Variants in NEB observed in about 807,000 individuals in gnomAD.
NEB encodes the protein nebulin.
A neutral mutation model predicts 952.2 loss-of-function variants in NEB; 512 were observed. That is an observed-to-expected ratio of 0.54 (90% confidence interval 0.50 to 0.58). The LOEUF (loss-of-function observed/expected upper bound fraction) is 0.58. NEB is among the 20% of genes least tolerant of loss of function. The pLI is 0.00. For synonymous variants in NEB, 2,900 were observed against 3,149.8 expected (o/e 0.92, Z 2.66); for missense variants, 8,428 against 9,231.1 (o/e 0.91, Z 3.56).
At chr2:151,675,412 C>T (rs1242500454) in intron 34 of NEB, 21 bp from the exon 35 acceptor site, 1 of 1,467,988 alleles carries the variant, frequency 6.8e-7, no homozygotes, top group Non-Finnish European at 9.3e-7. Context: ...ATGCATTTCA[C>T]ATAGTGCAAA....
chr2:151,672,315 A>C, intron 37 of NEB, 54 bp downstream of exon 37: 1 of 1,458,440 alleles, frequency 6.9e-7, no homozygotes, highest in Non-Finnish European at 9.3e-7. Context: ...AAAAGCGAGA[A>C]GTGATCATCC....
intron 3 of NEB, among the ~76,000 whole-genome samples, chr2:151,732,730 A>T (rs1019075352): frequency 8.5e-5 from 13 of 152,190 alleles, no homozygotes; most frequent in Non-Finnish European, 8.8e-5. Flanking sequence ...TAAGGAGTAG[A>T]TCTTTTCTTC....
chr2:151,540,611 G>T lies in NEB; in HGVS notation c.20787+86C>A, dbSNP rs144632631. ...TGCTGAGCACCATTTATAGTAATGA[G>T]CTCTCTGATCAGAGGTAGCAGGGGA... On this transcript the variant is annotated intron_variant, in intron 137 of 181. Coordinates refer to ENST00000397345, the MANE Select transcript of NEB (RefSeq NM_001164508.2). 153 of 1,245,690 alleles carry T rather than the reference G, an allele frequency of 1.2e-4. 1 individual carries two copies. The East Asian group carries it at 2.9e-3, about 24-fold the overall frequency. The allele number at this position is 1,245,690 out of a possible 1,614,324, so 77.2% of individuals were successfully genotyped here.
Position 151,533,316 on chromosome 2 carries a change from T to G in NEB, c.21417+126A>C, listed in dbSNP as rs543808992. ...GAGATCATTTACAAGGAATGAATAT[T>G]TACATAGCTTTACCATATGAAGCCA... On this transcript the variant is annotated intron_variant, in intron 143 of 181. Transcript: ENST00000397345. The G allele has an allele frequency of 2.3e-5, 15 of 649,948 alleles. No individual in the cohort carries two copies. In the African/African-American group the frequency reaches 2.7e-4, roughly 12 times the overall value. The allele number at this position is 649,948 out of a possible 1,614,324, so 40.3% of individuals were successfully genotyped here. A position where few individuals can be genotyped will look rare whatever the true frequency, so the allele number is the denominator to read the frequency against.
intron 48 of NEB, 91 bp from the exon 49 acceptor site, chr2:151,656,555 A>G (rs1203922906): frequency 1.5e-6 from 1 of 667,218 alleles, no homozygotes; most frequent in African/African-American, 1.9e-5. Flanking sequence ...TTGTATAATT[A>G]TAAAATATAA....
Position 151,607,233 on chromosome 2 carries a change from G to A in NEB, c.12639+271C>T, listed in dbSNP as rs1340483175. Among the ~76,000 whole-genome samples, 2 of 103,410 alleles carry A rather than the reference G, an allele frequency of 1.9e-5. 1 individual carries two copies. The highest frequency in any genetic ancestry group is 5.1e-5 in the African/African-American group (2 of 38,986). The allele number at this position is 103,410 out of a possible 152,430, so 67.8% of individuals were successfully genotyped here. A position where few individuals can be genotyped will look rare whatever the true frequency, so the allele number is the denominator to read the frequency against. On this transcript the variant is annotated intron_variant, in intron 83 of 181. Transcript: ENST00000397345. ...TGGATCAATTAAAAAAACCTAAGAT[G>A]ATAACAGAGACTGTTAAGAGTGAAG...
chr2:151,701,626 C>A (rs2099670391), intron 13 of NEB, among the ~76,000 whole-genome samples: 1 of 151,718 alleles, frequency 6.6e-6, no homozygotes, highest in East Asian at 1.9e-4. Context: ...TTATCCATTT[C>A]TTCTAGATTT....
intron 168 of NEB, among the ~76,000 whole-genome samples, chr2:151,500,512 TAAAA>T (rs1000232126): frequency 8.7e-5 from 13 of 149,246 alleles, no homozygotes; most frequent in African/African-American, 3.2e-4. Context: ...ATTTGTATAT[TAAAA>T]AAAAATCAGA....
chr2:151,527,017 T>C lies in NEB; in HGVS notation c.21846A>G (p.Glu7282=). The C allele has an allele frequency of 6.3e-7, 1 of 1,589,106 alleles. No homozygotes were observed. The highest frequency in any genetic ancestry group is 1.1e-5 in the South Asian group (1 of 87,576). The change falls in exon 148 of 182, where the codon GAA becomes GAG. Residue 7282 remains glutamate, a synonymous_variant. Coordinates refer to ENST00000397345, the MANE Select transcript of NEB (RefSeq NM_001164508.2). ...TGAGGAACTCCCGGTCCAGCTTATA[T>C]TCAAACTGTGATAGAAGAAAGGCAG... is the stretch of plus-strand genomic sequence containing the variant. ...AKSSLQQSDF[E]YKLDREFLKG... is the part of the protein sequence containing the mutation.
At position 151,677,886 on chromosome 2, in the gene NEB, A is replaced by G; in HGVS notation, c.3557T>C (p.Ile1186Thr). 6.2e-7 allele frequency: 1 copy of G among 1,610,880 alleles called. No homozygotes were observed. Among genetic ancestry groups the G allele is most frequent in the Non-Finnish European group, 8.5e-7 (1 of 1,177,974 alleles). The change falls in exon 33 of 182, where the codon ATA (isoleucine) becomes ACA (threonine). Residue 1186 changes from isoleucine (I) to threonine (T), a missense_variant. Transcript: ENST00000397345. ...DLELSKNMMQ[I>T]QSDNVYKEDY... is the part of the protein sequence containing the mutation. ...GTAAATGACACTTACATCACTCTGT[A>G]TCTGCATCATGTTCTTAGACAGCTC...
intron 52 of NEB, among the ~76,000 whole-genome samples, chr2:151,651,259 C>T (rs978467718): frequency 5.9e-5 from 9 of 152,092 alleles, no homozygotes; most frequent in African/African-American, 2.2e-4. Flanking sequence ...GAAATTAATT[C>T]TAACTAGATG....
Position 151,643,196 on chromosome 2 carries a change from G to C in NEB, c.8114C>G (p.Ser2705Cys). 2 of 1,613,838 alleles carry C rather than the reference G, an allele frequency of 1.2e-6. No individual in the cohort carries two copies. The highest frequency in any genetic ancestry group is 1.7e-4 in the Middle Eastern group (1 of 6,044). Reference sequence around the variant, plus strand: ...GTTTTTTGCCAAAACCATTGGTATGGAATCCATAAGGCTGGAAAACTTAAA... The same window carrying C: ...GTTTTTTGCCAAAACCATTGGTATGCAATCCATAAGGCTGGAAAACTTAAA... ...DQFKFSSLMDSIPMVLAKNNA... is the reference protein window; with the variant it reads ...DQFKFSSLMDCIPMVLAKNNA... Residue 2705 changes from serine (S) to cysteine (C), a missense_variant, in exon 58 of 182, where the codon TCC becomes TGC. Ser to Cys is a moderately radical substitution (Grantham distance 112, BLOSUM62 -1). This residue lies in a region of NEB where 1,772 missense variants were observed against 1,960.3 expected (regional missense o/e 0.90). Coordinates refer to ENST00000397345, the MANE Select transcript of NEB (RefSeq NM_001164508.2).
At chr2:151,533,028 T>C (rs6433482) in intron 143 of NEB, among the ~76,000 whole-genome samples, 98,275 of 151,994 alleles carry the variant, frequency 0.65, 32,077 homozygotes, top group East Asian at 0.78. Context: ...CTCATCTCCC[T>C]GCAACAGTTG....
Position 151,697,157 on chromosome 2 carries a change from C to T in NEB, c.1461G>A (p.Gln487=). Residue 487 remains glutamine (Q), a synonymous_variant, in exon 16 of 182, where the codon CAG becomes CAA. Transcript: ENST00000397345. ...QEYEAIKKLD[Q]CKDHTYKVHP... is the part of the protein sequence containing the mutation. ...CAGACTACAGACTTACGTCTTTACA[C>T]TGATCTAGTTTCTTAATTGCTTCAT... 1 of 1,612,756 alleles carries T rather than the reference C, an allele frequency of 6.2e-7. No individual in the cohort carries two copies. The highest frequency in any genetic ancestry group is 1.7e-4 in the Middle Eastern group (1 of 6,060).
Position 151,610,032 on chromosome 2 carries a change from A to G in NEB, c.12107T>C (p.Ile4036Thr). 2 of 1,613,786 alleles carry G rather than the reference A, an allele frequency of 1.2e-6. No individual in the cohort carries two copies. The highest frequency in any genetic ancestry group is 2.2e-5 in the East Asian group (1 of 44,838). ...TTCACTTTGAATTTTTCCTGCATGT[A>G]TGGCACACATAATCTTGGGATCATC... ...IEDDPKIMCAIHAGKIQSERE... is the reference protein window; with the variant it reads ...IEDDPKIMCATHAGKIQSERE... Residue 4036 changes from isoleucine (I) to threonine (T), a missense_variant, in exon 81 of 182, where the codon ATA (isoleucine) becomes ACA (threonine). Ile to Thr is a moderately conservative substitution (Grantham distance 89). This residue lies in a region of NEB where 337 missense variants were observed against 297.5 expected (regional missense o/e 1.13). Coordinates refer to ENST00000397345, the MANE Select transcript of NEB (RefSeq NM_001164508.2).
In NEB at chr2:151,627,145, T is replaced by C; in HGVS notation, c.10204A>G (p.Met3402Val). The C allele has an allele frequency of 1.2e-6, 2 of 1,613,944 alleles. No homozygotes were observed. The highest frequency in any genetic ancestry group is 1.7e-6 in the Non-Finnish European group (2 of 1,179,856). The stretch of plus-strand genomic sequence containing the variant: ...GCTCTCTTGCACTTGACCACATCCA[T>C]AGACCCAATGGGGACCCAGCCAATG... ...RGIGWVPIGS[M>V]DVVKCKRAAE... The change falls in exon 70 of 182, where the codon ATG (methionine) becomes GTG (valine). Residue 3402 changes from methionine to valine, a missense_variant. Transcript: ENST00000397345.
intron 181 of NEB, among the ~76,000 whole-genome samples, chr2:151,487,177 G>A (rs757028005): frequency 4.6e-5 from 7 of 152,204 alleles, no homozygotes; most frequent in East Asian, 1.9e-4. Flanking sequence ...TTGAAAACCC[G>A]TAGCACTATT....
At chr2:151,635,674 C>CCAG (rs1013592904) in intron 64 of NEB, among the ~76,000 whole-genome samples, 3 of 148,450 alleles carry the variant, frequency 2.0e-5, no homozygotes, top group African/African-American at 7.5e-5. Flanking sequence ...CCATTGCACT[C>CCAG]CAGCCTGGGC....
intron 172 of NEB, 140 bp from the exon 173 acceptor site, chr2:151,496,508 A>T (rs2060268420): frequency 6.9e-7 from 1 of 1,444,584 alleles, no homozygotes; most frequent in Non-Finnish European, 9.2e-7. Flanking sequence ...ACAAAATGCC[A>T]CCAGCTACTT....
Sources: allele counts gnomAD v4.1 joint callset (sites outside exome capture counted in the v4.1 genomes callset), GRCh38; gene constraint gnomAD v4.1.1; regional missense constraint gnomAD v4.1.1; transcripts MANE v1.5; gene names NCBI Gene and HGNC (gene_info 2026-07-23, HGNC 2026-07-21).